TET3: variants seen among roughly 807,000 people sequenced by gnomAD.
TET3 encodes the protein tet methylcytosine dioxygenase 3.
In TET3, 19 loss-of-function variants were observed where a neutral mutation model predicts 141.4. That is an observed-to-expected ratio of 0.13 (90% confidence interval 0.09 to 0.20). The LOEUF (loss-of-function observed/expected upper bound fraction) is 0.20, where lower values mean the gene tolerates loss of function less well. TET3 is among the 10% of genes least tolerant of loss of function. The pLI, the probability that TET3 is intolerant of heterozygous loss-of-function variation, is 1.00. For missense variants in TET3, 1,874 were observed against 2,356.9 expected (o/e 0.80, Z 4.24); for synonymous variants, 1,043 against 980.9 (o/e 1.06, Z -1.18).
At chr2:73,994,611 T>A (rs548417975) in intron 2 of TET3, among the ~76,000 whole-genome samples, 1 of 138,754 alleles carries the variant, frequency 7.2e-6, no homozygotes, top group South Asian at 2.1e-4. Context: ...TCAGGTCTAT[T>A]TTTTTTCTTT....
intron 2 of TET3, among the ~76,000 whole-genome samples, chr2:73,995,848 G>A (rs1360084241): frequency 6.6e-6 from 1 of 152,202 alleles, no homozygotes; most frequent in Non-Finnish European, 1.5e-5. Flanking sequence ...CCACACCCAA[G>A]GTAAGTGGTG....
chr2:74,090,474 T>C (rs1690422552), intron 8 of TET3, among the ~76,000 whole-genome samples: 1 of 152,164 alleles, frequency 6.6e-6, no homozygotes, highest in Non-Finnish European at 1.5e-5. Flanking sequence ...TCCCAAGGTA[T>C]CTCCCACCCT....
chr2:74,061,595 C>CT (rs1411983974), intron 4 of TET3, among the ~76,000 whole-genome samples: 3 of 148,838 alleles, frequency 2.0e-5, no homozygotes, highest in African/African-American at 7.5e-5. Context: ...GGGCGGGGGG[C>CT]TGACCCCCCC....
chr2:74,129,627 T>C, the TET3 span, among the ~76,000 whole-genome samples: 40 of 147,452 alleles, frequency 2.7e-4, no homozygotes, highest in African/African-American at 8.3e-4. Flanking sequence ...CAAGACCCTG[T>C]CTCAAAAAAA....
intron 10 of TET3, among the ~76,000 whole-genome samples, chr2:74,096,419 T>A (rs929773599): frequency 1.2e-4 from 19 of 152,310 alleles, no homozygotes; most frequent in Admixed American, 9.8e-4. Context: ...AACACCATAA[T>A]AACAATTGAA....
chr2:73,991,988 C>T (rs1684351022), intron 2 of TET3, among the ~76,000 whole-genome samples: 1 of 152,030 alleles, frequency 6.6e-6, no homozygotes, highest in Admixed American at 6.6e-5. Flanking sequence ...GGGGACATGG[C>T]ACTGAAGCAG....
At position 74,105,418 on chromosome 2, in the gene TET3, A is replaced by G. The variant is rs1691439535; in HGVS notation, c.*3242A>G. ...AATCGCTTCGCAGCAGGTTCTCACA[A>G]AATAACTGGTGCTAGCTCAAGAAAT... On this transcript the variant is annotated 3_prime_UTR_variant, in exon 12 of 12. Coordinates refer to ENST00000409262, the MANE Select transcript of TET3 (RefSeq NM_001287491.2). 2 of 398,434 alleles carry G rather than the reference A, an allele frequency of 5.0e-6. No homozygotes were observed. The highest frequency in any genetic ancestry group is 8.8e-6 in the Non-Finnish European group (2 of 226,058). 24.7% of individuals were successfully genotyped at this position (398,434 alleles called of 1,614,324 possible). A position where few individuals can be genotyped will look rare whatever the true frequency, so the allele number is the denominator to read the frequency against.
chr2:74,039,456 ATATATAGGCCTTTT>A (rs1182055545), intron 3 of TET3, among the ~76,000 whole-genome samples: 4 of 152,230 alleles, frequency 2.6e-5, no homozygotes, highest in Middle Eastern at 3.4e-3. Flanking sequence ...GCATTGACTT[ATATATAGGCCTTTT>A]TCTTCCTTTT....
At chr2:74,110,077 A>G (rs529537351), downstream of TET3, among the ~76,000 whole-genome samples, 2 of 152,322 alleles carry the variant, frequency 1.3e-5, no homozygotes, top group South Asian at 2.1e-4. Context: ...ATAGCAAGTA[A>G]TAAGAGCTAT....
intron 6 of TET3, among the ~76,000 whole-genome samples, chr2:74,081,694 G>A (rs1558776899): frequency 6.6e-6 from 1 of 152,242 alleles, no homozygotes; most frequent in Non-Finnish European, 1.5e-5. Context: ...ATCTGTGCAT[G>A]TTGTAGGAAA....
chr2:74,035,027 TA>T (rs1686960958), intron 3 of TET3, among the ~76,000 whole-genome samples: 1 of 95,804 alleles, frequency 1.0e-5, no homozygotes. Context: ...CTGTCTCTAC[TA>T]AAAAATACAA....
chr2:74,004,366 T>C (rs941721047), intron 3 of TET3, among the ~76,000 whole-genome samples: 1 of 152,160 alleles, frequency 6.6e-6, no homozygotes, highest in Admixed American at 6.5e-5. Context: ...ATGGAGGTGC[T>C]GGAAGTGGCA....
In TET3 at chr2:74,099,422, C is replaced by G. The variant is rs1290092595; in HGVS notation, c.3414C>G (p.Ala1138=). The G allele has an allele frequency of 6.2e-7, 1 of 1,613,894 alleles. No homozygotes were observed. The highest frequency in any genetic ancestry group is 2.2e-5 in the East Asian group (1 of 44,892). ...ENQNAKVGSG[A]IQVLTAFPRE... ...AGAATGCAAAGGTGGGCAGCGGAGCCATCCAGGTGCTCACCGCCTTCCCCC... is the reference window on the plus strand; with the variant it reads ...AGAATGCAAAGGTGGGCAGCGGAGCGATCCAGGTGCTCACCGCCTTCCCCC... The change falls in exon 11 of 12, where the codon GCC becomes GCG. Residue 1138 remains alanine (A), a synonymous_variant. Transcript: ENST00000409262.
At chr2:74,088,492 T>C (rs566077798) in intron 7 of TET3, among the ~76,000 whole-genome samples, 1 of 151,486 alleles carries the variant, frequency 6.6e-6, no homozygotes. Flanking sequence ...AATAAAAAAA[T>C]TAGTCAGGCG....
the TET3 span, among the ~76,000 whole-genome samples, chr2:74,116,336 T>C: frequency 6.6e-6 from 1 of 152,222 alleles, no homozygotes; most frequent in Non-Finnish European, 1.5e-5. Flanking sequence ...TCCCATGTGA[T>C]CCAGCAATCC....
In TET3 at chr2:74,048,398, C is replaced by T; in HGVS notation, c.2481C>T (p.Thr827=). Reference sequence around the variant, plus strand: ...AGAGAGCCCAGGCCGAGTTCCCCACCTGCGATTGCGTCGGTAAGTCCGCCT... The same window carrying T: ...AGAGAGCCCAGGCCGAGTTCCCCACTTGCGATTGCGTCGGTAAGTCCGCCT... The part of the protein sequence containing the change: ...PAKRAQAEFP[T]CDCVEQIVEK... The change falls in exon 4 of 12, where the codon ACC becomes ACT. Residue 827 remains threonine, a synonymous_variant. Coordinates refer to ENST00000409262, the MANE Select transcript of TET3 (RefSeq NM_001287491.2). The T allele has an allele frequency of 6.2e-7, 1 of 1,608,144 alleles. No individual in the cohort carries two copies. Among genetic ancestry groups the T allele is most frequent in the Non-Finnish European group, 8.5e-7 (1 of 1,176,264 alleles).
chr2:74,038,431 G>T (rs955394107), intron 3 of TET3, among the ~76,000 whole-genome samples: 11 of 152,300 alleles, frequency 7.2e-5, no homozygotes, highest in African/African-American at 2.6e-4. Context: ...TTGTGAAGCA[G>T]GGAAGAAACC....
intron 4 of TET3, among the ~76,000 whole-genome samples, chr2:74,069,516 G>A (rs1010452558): frequency 6.6e-6 from 1 of 151,626 alleles, no homozygotes; most frequent in Non-Finnish European, 1.5e-5. Context: ...AAATGAACCT[G>A]TGTGACCACC....
Position 74,003,179 on chromosome 2 carries a change from T to TGTGC in TET3, c.360+21_360+24dup, listed in dbSNP as rs1445168436. ...AGCGGCTGTCAAGGTACCTTGTGTG[T>TGTGC]GTGCGTGCGTGTGTGTGCGTGTGTG... On this transcript the variant is annotated intron_variant, in intron 3 of 11. Transcript: ENST00000409262. The TGTGC allele has an allele frequency of 1.1e-5, 17 of 1,546,498 alleles. No homozygotes were observed. In the African/African-American group the frequency reaches 1.1e-4, roughly 10 times the overall value.
Sources: gnomAD v4.1 joint callset for allele counts (sites outside exome capture counted in the v4.1 genomes callset) on GRCh38, gnomAD v4.1.1 for gene constraint, MANE v1.5 for transcripts, NCBI Gene and HGNC (gene_info 2026-07-23, HGNC 2026-07-21) for gene names.